NTM: variants seen among roughly 807,000 people sequenced by gnomAD.
The protein encoded by NTM is IgLON family member 2.
A neutral mutation model predicts 42.1 loss-of-function variants in NTM; 13 were observed. The observed-to-expected ratio is 0.31, with a 90% CI of 0.20 to 0.49. The LOEUF (loss-of-function observed/expected upper bound fraction) is 0.49. NTM is among the 20% of genes least tolerant of loss of function. The pLI is 0.99. For synonymous variants in NTM, 187 were observed against 179.2 expected, an observed-to-expected ratio of 1.04 and a Z score of -0.35; for missense variants, 373 against 452.8, an observed-to-expected ratio of 0.82 and a Z score of 1.60.
At chr11:131,393,710 C>T (rs972180621) in intron 1 of NTM, among the ~76,000 whole-genome samples, 1 of 152,238 alleles carries the variant, frequency 6.6e-6, no homozygotes, top group African/African-American at 2.4e-5. Context: ...TCCTTCCTTC[C>T]CTCTTTCCCC....
intron 4 of NTM, among the ~76,000 whole-genome samples, chr11:132,240,498 A>G (rs1453229668): frequency 1.3e-5 from 2 of 152,184 alleles, no homozygotes; most frequent in Non-Finnish European, 2.9e-5. Context: ...GGGCATTACT[A>G]ACTTGACTCT....
chr11:132,129,514 G>T (rs143570836), intron 2 of NTM, among the ~76,000 whole-genome samples: 1 of 152,142 alleles, frequency 6.6e-6, no homozygotes, highest in African/African-American at 2.4e-5. Flanking sequence ...TTTGAAGACA[G>T]GAGAAATGTA....
intron 1 of NTM, among the ~76,000 whole-genome samples, chr11:131,454,132 A>T (rs1023003713): frequency 6.6e-6 from 1 of 152,126 alleles, no homozygotes; most frequent in African/African-American, 2.4e-5. Context: ...CCTGCAGTAC[A>T]GTATAATAAG....
intron 1 of NTM, among the ~76,000 whole-genome samples, chr11:131,887,524 T>A (rs757448903): frequency 1.3e-5 from 2 of 152,204 alleles, no homozygotes; most frequent in Non-Finnish European, 2.9e-5. Flanking sequence ...TTCTTTCTGT[T>A]GTGTGCTACA....
chr11:132,094,486 C>T (rs1359931560), intron 2 of NTM, among the ~76,000 whole-genome samples: 1 of 152,108 alleles, frequency 6.6e-6, no homozygotes, highest in Non-Finnish European at 1.5e-5. Context: ...TTTTCCCTGC[C>T]AGACTCTCAA....
At chr11:131,539,188 T>A (rs2052786463) in intron 1 of NTM, 1 of 152,202 alleles carries the variant, frequency 6.6e-6, no homozygotes, top group East Asian at 1.9e-4. Context: ...GCAATCCTCC[T>A]GCCTCAGCTT....
intron 1 of NTM, among the ~76,000 whole-genome samples, chr11:131,654,748 C>T (rs914962864): frequency 6.6e-6 from 1 of 152,150 alleles, no homozygotes; most frequent in Non-Finnish European, 1.5e-5. Flanking sequence ...TGTTCCCTCT[C>T]TCACCATGTG....
intron 7 of NTM, among the ~76,000 whole-genome samples, chr11:132,317,433 C>T (rs963534572): frequency 2.0e-5 from 3 of 152,172 alleles, no homozygotes; most frequent in African/African-American, 7.2e-5. Context: ...TCCCTGCCTT[C>T]CCAGTCACGG....
At chr11:132,111,063 C>CAAAAAAAAAAAAAAAAAAA (rs57458373) in intron 2 of NTM, among the ~76,000 whole-genome samples, 2 of 35,440 alleles carry the variant, frequency 5.6e-5, no homozygotes, top group South Asian at 1.1e-3. Flanking sequence ...GGCCCTATCT[C>CAAAAAAAAAAAAAAAAAAA]AAAAAAAAAA....
intron 1 of NTM, among the ~76,000 whole-genome samples, chr11:131,395,249 T>G (rs1256150266): frequency 6.6e-6 from 1 of 152,188 alleles, no homozygotes; most frequent in East Asian, 1.9e-4. Flanking sequence ...ACATTTCAGT[T>G]GAAGTCCCCA....
chr11:131,676,472 C>T (rs573118225), intron 1 of NTM, among the ~76,000 whole-genome samples: 3 of 152,168 alleles, frequency 2.0e-5, no homozygotes, highest in South Asian at 2.1e-4. Flanking sequence ...TGTGTACATG[C>T]GTGTGCGGGG....
At chr11:132,135,626 C>A (rs774232327) in intron 2 of NTM, among the ~76,000 whole-genome samples, 5 of 152,190 alleles carry the variant, frequency 3.3e-5, no homozygotes, top group African/African-American at 4.8e-5. Flanking sequence ...CTGCTAGGGG[C>A]CACCCTGGGG....
chr11:131,601,997 G>T (rs550167684), intron 1 of NTM, among the ~76,000 whole-genome samples: 45 of 152,192 alleles, frequency 3.0e-4, no homozygotes, highest in African/African-American at 1.1e-3. Context: ...TATATTGGGG[G>T]CACAAACAGA....
At chr11:132,173,170 G>C (rs2076336817) in intron 3 of NTM, among the ~76,000 whole-genome samples, 1 of 152,200 alleles carries the variant, frequency 6.6e-6, no homozygotes, top group African/African-American at 2.4e-5. Context: ...TGCAAAAAGT[G>C]AGACAACATG....
At chr11:132,196,752 A>G (rs1206511500) in intron 3 of NTM, among the ~76,000 whole-genome samples, 1 of 152,142 alleles carries the variant, frequency 6.6e-6, no homozygotes, top group Non-Finnish European at 1.5e-5. Context: ...GAAGGAAACA[A>G]TAGACTGTAG....
intron 1 of NTM, among the ~76,000 whole-genome samples, chr11:131,873,460 A>G (rs1427171204): frequency 6.6e-6 from 1 of 151,360 alleles, no homozygotes; most frequent in Non-Finnish European, 1.5e-5. Context: ...GCAAATCACC[A>G]GGGCACATGT....
chr11:131,433,991 CCT>C (rs1276699143), intron 1 of NTM, among the ~76,000 whole-genome samples: 1 of 152,124 alleles, frequency 6.6e-6, no homozygotes, highest in Admixed American at 6.6e-5. Flanking sequence ...GGTTCCCCGC[CCT>C]GTTTCCAAAT....
chr11:131,735,835 GGTGTGTGTGTGTGTGTGTGTGT>G (rs398018112), intron 1 of NTM, among the ~76,000 whole-genome samples: 1 of 121,298 alleles, frequency 8.2e-6, no homozygotes, highest in African/African-American at 2.7e-5. Context: ...CCATTCATAA[GGTGTGTGTGTGTGTGTGTGTGT>G]GTGTGTGTGT....
chr11:131,574,518 G>C (rs940946690), intron 1 of NTM, among the ~76,000 whole-genome samples: 4 of 152,040 alleles, frequency 2.6e-5, no homozygotes, highest in Non-Finnish European at 5.9e-5. Context: ...GGGCTACACT[G>C]ACACACTCAA....
Sources: gnomAD v4.1 joint callset for allele counts (sites outside exome capture counted in the v4.1 genomes callset) on GRCh38, gnomAD v4.1.1 for gene constraint, MANE v1.5 for transcripts, NCBI Gene and HGNC (gene_info 2026-07-23, HGNC 2026-07-21) for gene names.